Variants in BANF2 observed in about 807,000 individuals in gnomAD.
BANF2 encodes BANF family member 2.
BANF2 carries 4 observed loss-of-function variants against 8.0 expected under a neutral mutation model. That is an observed-to-expected ratio of 0.50 (90% CI 0.25 to 1.14). BANF2 has a LOEUF of 1.14. Ranked by LOEUF, BANF2 falls within the 50% of genes most tolerant of loss-of-function variation. The pLI is 0.16. For synonymous variants in BANF2, 50 were observed against 40.6 expected, an observed-to-expected ratio of 1.23 and a Z score of -0.88; for missense variants, 96 against 107.5, an observed-to-expected ratio of 0.89 and a Z score of 0.47.
intron 1 of BANF2, among the ~76,000 whole-genome samples, chr20:17,711,316 A>G (rs2037568733): frequency 6.6e-6 from 1 of 152,224 alleles, no homozygotes; most frequent in Admixed American, 6.5e-5. Context: ...GCCTGAAGAC[A>G]TTGTTTAACT....
intron 1 of BANF2, among the ~76,000 whole-genome samples, chr20:17,719,895 G>T (rs1399210347): frequency 6.6e-6 from 1 of 152,180 alleles, no homozygotes; most frequent in Non-Finnish European, 1.5e-5. Context: ...CCCCGCAAAG[G>T]CCCATTTAGC....
At chr20:17,728,520 C>T (rs2037844364) in intron 3 of BANF2, among the ~76,000 whole-genome samples, 1 of 152,182 alleles carries the variant, frequency 6.6e-6, no homozygotes, top group South Asian at 2.1e-4. Context: ...AGTACCTTCT[C>T]CTCCATTCCT....
At chr20:17,694,912 G>A (rs1052124365) in intron 1 of BANF2, among the ~76,000 whole-genome samples, 13 of 152,000 alleles carry the variant, frequency 8.6e-5, no homozygotes, top group Middle Eastern at 3.4e-3. Context: ...GTGAGCCACC[G>A]CACCCTGCCT....
intron 1 of BANF2, among the ~76,000 whole-genome samples, chr20:17,716,767 G>A (rs1286727034): frequency 2.0e-5 from 3 of 148,602 alleles, no homozygotes; most frequent in Admixed American, 6.7e-5. Context: ...CTTGAGCCCA[G>A]GAGGCGGAGG....
chr20:17,723,782 A>G (rs1466526921), intron 2 of BANF2, among the ~76,000 whole-genome samples: 1 of 152,116 alleles, frequency 6.6e-6, no homozygotes, highest in East Asian at 1.9e-4. Context: ...ATCACCTGAG[A>G]TCAGGAGTTC....
chr20:17,695,975 G>T (rs571163123), upstream of BANF2, among the ~76,000 whole-genome samples: 2 of 152,178 alleles, frequency 1.3e-5, no homozygotes, highest in Admixed American at 6.5e-5. Flanking sequence ...TGTTTTCAAG[G>T]TTTATCATGT....
intron 2 of BANF2, among the ~76,000 whole-genome samples, chr20:17,723,811 A>G (rs188263380): frequency 6.6e-6 from 1 of 152,174 alleles, no homozygotes; most frequent in Non-Finnish European, 1.5e-5. Context: ...CCTGGTCAAC[A>G]TGGTGAAACC....
intron 1 of BANF2, among the ~76,000 whole-genome samples, chr20:17,694,246 T>C (rs906090912): frequency 6.6e-6 from 1 of 152,108 alleles, no homozygotes; most frequent in Non-Finnish European, 1.5e-5. Flanking sequence ...CAAGTACTCA[T>C]AAAACACAGT....
chr20:17,713,444 G>A (rs2037605991), intron 1 of BANF2, among the ~76,000 whole-genome samples: 1 of 152,126 alleles, frequency 6.6e-6, no homozygotes, highest in Non-Finnish European at 1.5e-5. Context: ...TGAGGAGGGG[G>A]AAATGGGGAG....
At chr20:17,727,047 T>C (rs931632963) in intron 3 of BANF2, among the ~76,000 whole-genome samples, 1 of 152,200 alleles carries the variant, frequency 6.6e-6, no homozygotes, top group Non-Finnish European at 1.5e-5. Context: ...AGTTTAAGTC[T>C]GTGTGTGTGA....
At chr20:17,726,361 GT>G (rs1427186869) in intron 3 of BANF2, among the ~76,000 whole-genome samples, 1 of 151,928 alleles carries the variant, frequency 6.6e-6, no homozygotes, top group East Asian at 1.9e-4. Context: ...AATTTTTTGT[GT>G]TTCTTGTAGA....
In BANF2 at chr20:17,725,035, A is replaced by C; in HGVS notation, c.10A>C (p.Met4Leu). The change falls in exon 3 of 4, where the codon ATG becomes CTG. Residue 4 changes from methionine (M) to leucine (L), a missense_variant. Physicochemically the swap from Met to Leu is conservative, Grantham distance 15. Transcript: ENST00000246090. ...ACTGCTGTCGCAGGAGATGGACAACATGTCTCCCAGGCTGAGAGCCTTCCT... is the reference window on the plus strand; with the variant it reads ...ACTGCTGTCGCAGGAGATGGACAACCTGTCTCCCAGGCTGAGAGCCTTCCT... MDN[M>L]SPRLRAFLSE... 6.2e-7 allele frequency: 1 copy of C among 1,607,124 alleles called. No individual in the cohort carries two copies. Among genetic ancestry groups the C allele is most frequent in the Non-Finnish European group, 8.5e-7 (1 of 1,173,716 alleles).
At chr20:17,696,937 C>G (rs904293997), upstream of BANF2, among the ~76,000 whole-genome samples, 2 of 151,932 alleles carry the variant, frequency 1.3e-5, no homozygotes, top group African/African-American at 4.8e-5. Flanking sequence ...AGCAGGATCT[C>G]TAAGAGATCT....
intron 3 of BANF2, among the ~76,000 whole-genome samples, chr20:17,733,242 G>T (rs967709847): frequency 2.0e-5 from 3 of 152,220 alleles, no homozygotes; most frequent in African/African-American, 7.2e-5. Flanking sequence ...AGGCCAGACT[G>T]TGGACAGTTG....
At chr20:17,725,964 T>C (rs1318070641) in intron 3 of BANF2, among the ~76,000 whole-genome samples, 1 of 152,124 alleles carries the variant, frequency 6.6e-6, no homozygotes, top group African/African-American at 2.4e-5. Flanking sequence ...ATCTGAACCA[T>C]GAGAGCCATG....
At chr20:17,700,262 C>T (rs1332688386) in intron 1 of BANF2, among the ~76,000 whole-genome samples, 1 of 152,176 alleles carries the variant, frequency 6.6e-6, no homozygotes, top group Non-Finnish European at 1.5e-5. Flanking sequence ...GCTGTGTCAC[C>T]ATCTGCGGGA....
At chr20:17,705,333 T>C (rs1419193025) in intron 1 of BANF2, among the ~76,000 whole-genome samples, 1 of 152,206 alleles carries the variant, frequency 6.6e-6, no homozygotes, top group East Asian at 1.9e-4. Context: ...CCTTGTGTGA[T>C]GGCTGAGAAA....
upstream of BANF2, among the ~76,000 whole-genome samples, chr20:17,698,481 G>T (rs2037369294): frequency 1.3e-5 from 2 of 152,238 alleles, no homozygotes; most frequent in African/African-American, 4.8e-5. Flanking sequence ...ACCTACGGGT[G>T]GGTCCTGTGG....
intron 1 of BANF2, among the ~76,000 whole-genome samples, chr20:17,705,645 G>T (rs1003037446): frequency 1.3e-5 from 2 of 152,202 alleles, no homozygotes; most frequent in Non-Finnish European, 2.9e-5. Flanking sequence ...CCTGAGAATG[G>T]GGGGAGGCCT....
Sources: allele counts gnomAD v4.1 joint callset (sites outside exome capture counted in the v4.1 genomes callset), GRCh38; gene constraint gnomAD v4.1.1; transcripts MANE v1.5; gene names NCBI Gene and HGNC (gene_info 2026-07-23, HGNC 2026-07-21).